The following PEPD variants were observed in gnomAD, a reference collection of about 807,000 sequenced individuals.
PEPD encodes xaa-Pro dipeptidase.
In PEPD, 53 loss-of-function variants were observed where a neutral mutation model predicts 60.7. The observed-to-expected ratio is 0.87, with a 90% CI of 0.70 to 1.10. PEPD has a LOEUF of 1.10. Among genes scored for constraint, PEPD ranks in the 50% least tolerant of loss-of-function variants. The probability of loss-of-function intolerance (pLI) is 0.00; values close to 1 mark genes in which losing one functional copy is unlikely to be tolerated. For synonymous variants in PEPD, 267 were observed against 284.1 expected (o/e 0.94, Z 0.60); for missense variants, 711 against 711.9 (o/e 1.00, Z 0.01).
intron 9 of PEPD, among the ~76,000 whole-genome samples, chr19:33,446,737 G>A (rs536683982): frequency 6.6e-6 from 1 of 152,236 alleles, no homozygotes; most frequent in Non-Finnish European, 1.5e-5. Context: ...AGGGCCCAGC[G>A]GGCATCAGGA....
intron 7 of PEPD, among the ~76,000 whole-genome samples, chr19:33,468,906 C>T (rs1946589494): frequency 6.6e-6 from 1 of 152,176 alleles, no homozygotes; most frequent in Non-Finnish European, 1.5e-5. Flanking sequence ...CAGGCACTTG[C>T]TCCTGTCCCC....
chr19:33,451,708 G>C (rs189118263), intron 9 of PEPD, among the ~76,000 whole-genome samples: 14 of 152,276 alleles, frequency 9.2e-5, no homozygotes, highest in African/African-American at 2.6e-4. Flanking sequence ...GATAAGCAAA[G>C]ATATGCCAGG....
At chr19:33,518,124 C>T (rs1020211027) in intron 1 of PEPD, among the ~76,000 whole-genome samples, 11 of 152,162 alleles carry the variant, frequency 7.2e-5, no homozygotes, top group South Asian at 4.1e-4. Flanking sequence ...AGACCGTAAG[C>T]GCCAGGCTGG....
At chr19:33,409,857 T>G (rs73927848) in intron 11 of PEPD, among the ~76,000 whole-genome samples, 10,331 of 152,286 alleles carry the variant, frequency 0.068, 1,191 homozygotes, top group African/African-American at 0.24. Context: ...TCTGAGTTCC[T>G]TGGCCCACAC....
chr19:33,500,720 G>A (rs987790481), intron 4 of PEPD, among the ~76,000 whole-genome samples: 2 of 152,186 alleles, frequency 1.3e-5, no homozygotes, highest in African/African-American at 4.8e-5. Flanking sequence ...ACAGAGTCAG[G>A]GGCCTTCCCA....
At chr19:33,410,402 C>A (rs1968736890) in intron 11 of PEPD, among the ~76,000 whole-genome samples, 1 of 152,220 alleles carries the variant, frequency 6.6e-6, no homozygotes, top group African/African-American at 2.4e-5. Context: ...TCGGCCCTGA[C>A]AGCTCAACGC....
At chr19:33,450,250 T>C (rs890790740) in intron 9 of PEPD, among the ~76,000 whole-genome samples, 2 of 152,220 alleles carry the variant, frequency 1.3e-5, no homozygotes, top group Non-Finnish European at 2.9e-5. Flanking sequence ...CTTGTGCCCC[T>C]TCCCAAGGAG....
At chr19:33,427,976 G>A (rs559988939) in intron 9 of PEPD, among the ~76,000 whole-genome samples, 3 of 152,222 alleles carry the variant, frequency 2.0e-5, no homozygotes, top group South Asian at 2.1e-4. Flanking sequence ...CCTGGCAGGC[G>A]GCAATCTGAT....
chr19:33,398,405 C>A (rs570450971), intron 12 of PEPD, among the ~76,000 whole-genome samples: 5 of 152,236 alleles, frequency 3.3e-5, no homozygotes, highest in Non-Finnish European at 7.3e-5. Context: ...TGACACAGTT[C>A]GCAATGACAC....
At chr19:33,467,273 G>A (rs932779673) in intron 7 of PEPD, among the ~76,000 whole-genome samples, 6 of 152,032 alleles carry the variant, frequency 3.9e-5, no homozygotes, top group African/African-American at 1.4e-4. Context: ...CAAAGAGAAG[G>A]CACTCCCGCC....
chr19:33,501,747 G>A (rs1970718719), intron 3 of PEPD, among the ~76,000 whole-genome samples: 1 of 152,018 alleles, frequency 6.6e-6, no homozygotes, highest in Non-Finnish European at 1.5e-5. Flanking sequence ...CTGTCACCCA[G>A]GCTGGAGTGC....
At chr19:33,397,983 C>T (rs1968405539) in intron 12 of PEPD, among the ~76,000 whole-genome samples, 1 of 152,216 alleles carries the variant, frequency 6.6e-6, no homozygotes, top group Non-Finnish European at 1.5e-5. Context: ...AGATGCCACC[C>T]AGGTCCTGCC....
intron 9 of PEPD, among the ~76,000 whole-genome samples, chr19:33,443,236 T>A (rs946691266): frequency 6.6e-6 from 1 of 152,236 alleles, no homozygotes; most frequent in Non-Finnish European, 1.5e-5. Context: ...GATTCTGTCA[T>A]ATGTCCCTGT....
At chr19:33,482,249 G>A (rs1308003399) in intron 6 of PEPD, among the ~76,000 whole-genome samples, 3 of 152,156 alleles carry the variant, frequency 2.0e-5, no homozygotes, top group Non-Finnish European at 4.4e-5. Flanking sequence ...TCATGACCAA[G>A]TGGGATTTTT....
chr19:33,491,089 C>A (rs1970489879), intron 5 of PEPD, among the ~76,000 whole-genome samples: 1 of 152,072 alleles, frequency 6.6e-6, no homozygotes, highest in Non-Finnish European at 1.5e-5. Flanking sequence ...TCCCTTATAG[C>A]CATCAAGACA....
intron 9 of PEPD, among the ~76,000 whole-genome samples, chr19:33,425,513 A>C (rs1001027777): frequency 2.0e-5 from 3 of 152,154 alleles, no homozygotes; most frequent in South Asian, 2.1e-4. Flanking sequence ...TTTTAAGTTC[A>C]CATTTCCCAA....
At chr19:33,450,313 T>G (rs1421685792) in intron 9 of PEPD, among the ~76,000 whole-genome samples, 1 of 152,224 alleles carries the variant, frequency 6.6e-6, no homozygotes, top group Non-Finnish European at 1.5e-5. Flanking sequence ...AGCCCTGAAG[T>G]GCAGCCCCTG....
chr19:33,510,946 C>A, intron 3 of PEPD, 82 bp downstream of exon 3: 1 of 1,453,708 alleles, frequency 6.9e-7, no homozygotes, highest in South Asian at 1.2e-5. Flanking sequence ...CCAGGCCCAA[C>A]CCAGCTCTCT....
intron 6 of PEPD, among the ~76,000 whole-genome samples, chr19:33,483,948 A>G (rs17834084): frequency 0.11 from 16,584 of 152,162 alleles, 967 homozygotes; most frequent in African/African-American, 0.15. Context: ...GGCTTCGTTA[A>G]TGGTGTTGAA....
Sources: allele counts gnomAD v4.1 joint callset (sites outside exome capture counted in the v4.1 genomes callset), GRCh38; gene constraint gnomAD v4.1.1; transcripts MANE v1.5; gene names NCBI Gene and HGNC (gene_info 2026-07-23, HGNC 2026-07-21).